Variants in TMEM62 observed in about 807,000 individuals in gnomAD.
TMEM62 encodes transmembrane protein 62.
TMEM62 carries 41 observed loss-of-function variants against 70.4 expected under a neutral mutation model. The ratio of observed to expected loss-of-function variants is 0.58; its 90% CI spans 0.45 to 0.76. TMEM62 has a LOEUF of 0.76. TMEM62 is among the 30% of genes least tolerant of loss of function. The pLI is 0.00. For synonymous variants in TMEM62, 268 were observed against 291.0 expected (o/e 0.92, Z 0.80); for missense variants, 688 against 788.5 (o/e 0.87, Z 1.53).
At chr15:43,173,682 A>T (rs1167114187) in intron 11 of TMEM62, among the ~76,000 whole-genome samples, 1 of 152,054 alleles carries the variant, frequency 6.6e-6, no homozygotes, top group Non-Finnish European at 1.5e-5. Flanking sequence ...CTCCTTTATC[A>T]TACTGTTTTC....
intron 7 of TMEM62, among the ~76,000 whole-genome samples, chr15:43,149,461 A>G (rs2037093453): frequency 6.6e-6 from 1 of 152,054 alleles, no homozygotes; most frequent in Non-Finnish European, 1.5e-5. Context: ...CGCTGCCTCT[A>G]GAGATTTTGA....
rs1461183163 is a variant in TMEM62 at position 43,154,730 on chromosome 15, C to A, written c.1081C>A (p.His361Asn). ...TSVTVKIDGV[H>N]LGQAVHVSGP... ...TGTCACAGTTAAGATTGATGGAGTT[C>A]ATTTAGGCCAGGCTGTTCATGTGTC... The change falls in exon 9 of 14, where the codon CAT becomes AAT. Residue 361 changes from histidine to asparagine, a missense_variant. Transcript: ENST00000260403. 6.2e-7 allele frequency: 1 copy of A among 1,613,862 alleles called. No individual in the cohort carries two copies. The highest frequency in any genetic ancestry group is 1.7e-5 in the Admixed American group (1 of 59,962).
chr15:43,156,774 A>G (rs928957624), intron 9 of TMEM62, among the ~76,000 whole-genome samples: 5 of 152,122 alleles, frequency 3.3e-5, no homozygotes, highest in Non-Finnish European at 7.4e-5. Flanking sequence ...AACATAATAA[A>G]CCCTGTATAT....
At chr15:43,146,699 T>C in intron 5 of TMEM62, 65 bp downstream of exon 5, 2 of 1,376,646 alleles carry the variant, frequency 1.5e-6, no homozygotes, top group Non-Finnish European at 9.8e-7. Flanking sequence ...TGTGGATCAC[T>C]TAAAGTTATC....
At chr15:43,138,676 G>A (rs1205230153) in intron 4 of TMEM62, 57 bp downstream of exon 4, 2 of 1,356,914 alleles carry the variant, frequency 1.5e-6, no homozygotes, top group Non-Finnish European at 2.1e-6. Context: ...TAAGGAGGGT[G>A]TGGTCAACTC....
Position 43,160,787 on chromosome 15 carries a change from A to G in TMEM62, c.1289A>G (p.Tyr430Cys), listed in dbSNP as rs757265674. The G allele has an allele frequency of 2.5e-5, 40 of 1,570,046 alleles. No homozygotes were observed. In the East Asian group the frequency reaches 7.9e-4, roughly 31 times the overall value. Residue 430 changes from tyrosine to cysteine, a missense_variant, in exon 10 of 14, where the codon TAC becomes TGC. Transcript: ENST00000260403. Reference sequence around the variant, plus strand: ...TCATTTATTCTCCGTACTGATCACTACATCATGGTAAGTGAATTCAATTAA... The same window carrying G: ...TCATTTATTCTCCGTACTGATCACTGCATCATGGTAAGTGAATTCAATTAA... ...LASFILRTDH[Y>C]IMARVLFVLI... is the part of the protein sequence containing the mutation.
intron 11 of TMEM62, among the ~76,000 whole-genome samples, chr15:43,170,286 C>T (rs11632170): frequency 2.4e-4 from 36 of 152,188 alleles, no homozygotes; most frequent in Non-Finnish European, 4.4e-4. Flanking sequence ...CCCTTTCCAT[C>T]GTGGCTGAGA....
At chr15:43,165,963 T>C (rs964096542) in intron 10 of TMEM62, among the ~76,000 whole-genome samples, 10 of 152,216 alleles carry the variant, frequency 6.6e-5, no homozygotes, top group Admixed American at 3.9e-4. Context: ...CTGGATGTTC[T>C]TGAGGCTTGT....
intron 7 of TMEM62, among the ~76,000 whole-genome samples, chr15:43,150,804 C>G (rs2037271770): frequency 6.6e-6 from 1 of 152,226 alleles, no homozygotes; most frequent in Non-Finnish European, 1.5e-5. Flanking sequence ...TGTGTCACTT[C>G]TCTTCACAGC....
At chr15:43,175,909 C>T (rs530903299) in intron 11 of TMEM62, among the ~76,000 whole-genome samples, 9 of 152,290 alleles carry the variant, frequency 5.9e-5, no homozygotes, top group African/African-American at 1.4e-4. Context: ...CGCAAGGGGT[C>T]GGGGAGTTCC....
rs554637699 is a variant in TMEM62 at position 43,133,795 on chromosome 15, C to T, written c.-8C>T. The T allele has an allele frequency of 1.6e-4, 214 of 1,359,448 alleles. 1 individual carries two copies. In the African/African-American group the frequency reaches 2.3e-3, roughly 15 times the overall value. The allele number at this position is 1,359,448 out of a possible 1,614,324, so 84.2% of individuals were successfully genotyped here. On this transcript the variant is annotated 5_prime_UTR_variant, in exon 1 of 14. Transcript: ENST00000260403. Reference sequence around the variant, plus strand: ...TCAGCGAGGGCCGCGCCCCGGCGGGCGGGCGGCATGGCTGCAGTGCTGGCT... The same window carrying T: ...TCAGCGAGGGCCGCGCCCCGGCGGGTGGGCGGCATGGCTGCAGTGCTGGCT...
rs761297326 is a variant in TMEM62, at chr15:43,146,610, T to C, written c.594T>C (p.Tyr198=). 6 of 1,606,060 alleles carry C rather than the reference T, an allele frequency of 3.7e-6. No homozygotes were observed. The East Asian group carries it at 1.1e-4, about 30-fold the overall frequency. The change falls in exon 5 of 14, where the codon TAT becomes TAC. Residue 198 remains tyrosine (Y), a synonymous_variant. Coordinates refer to ENST00000260403, the MANE Select transcript of TMEM62 (RefSeq NM_024956.4). The stretch of plus-strand genomic sequence containing the variant: ...TAAATCCAGGGCCTAAGAGACCCTA[T>C]AATTTCTTTGGAATTTTAGATAAGG... ...ATVNPGPKRP[Y]NFFGILDKKK...
intron 8 of TMEM62, among the ~76,000 whole-genome samples, chr15:43,153,928 A>T (rs1050336840): frequency 1.1e-4 from 17 of 152,198 alleles, no homozygotes; most frequent in African/African-American, 3.6e-4. Context: ...ACTGTTTTCC[A>T]TGGTGGCTGC....
Position 43,135,559 on chromosome 15 carries a change from C to G in TMEM62, c.340C>G (p.His114Asp), listed in dbSNP as rs570217305. ...AAAGGAACAGTTGGGATCCAGGCAG[C>G]ATGAGGTAGAATGGCAAACCTACCA... is the stretch of plus-strand genomic sequence containing the variant. ...KTKEQLGSRQ[H>D]EVEWQTYQGI... Residue 114 changes from histidine (H) to aspartate (D), a missense_variant, in exon 3 of 14, where the codon CAT becomes GAT. His to Asp is a moderately conservative substitution (Grantham distance 81, BLOSUM62 -1). Coordinates refer to ENST00000260403, the MANE Select transcript of TMEM62 (RefSeq NM_024956.4). 1.2e-6 allele frequency: 2 copies of G among 1,611,662 alleles called. No homozygotes were observed. Among genetic ancestry groups the G allele is most frequent in the African/African-American group, 2.7e-5 (2 of 74,896 alleles).
rs16957457 is a variant in TMEM62 at position 43,146,839 on chromosome 15, A to G, written c.618+205A>G. Among the ~76,000 whole-genome samples the G allele has an allele frequency of 4.5e-3, 683 of 152,326 alleles. 10 individuals carry two copies. Among genetic ancestry groups the G allele is most frequent in the African/African-American group, 0.016 (654 of 41,570 alleles). On this transcript the variant is annotated intron_variant, in intron 5 of 13. Transcript: ENST00000260403. ...TTTCTTGTCCCAAAATCTGAGAAAG[A>G]AGTACCTCACACTTTATGGAGTAAA...
Position 43,135,666 on chromosome 15 carries a change from A to C in TMEM62, c.430+17A>C, listed in dbSNP as rs1450470858. The stretch of plus-strand genomic sequence containing the variant: ...GAAATCATGGTAAGAGCCAAGAGCC[A>C]GATACAATAAAGACAAGAGTTTTTT... On this transcript the variant is annotated intron_variant, in intron 3 of 13. Coordinates refer to ENST00000260403, the MANE Select transcript of TMEM62 (RefSeq NM_024956.4). 1 of 1,569,182 alleles carries C rather than the reference A, an allele frequency of 6.4e-7. No homozygotes were observed. The highest frequency in any genetic ancestry group is 1.4e-5 in the African/African-American group (1 of 72,452).
In TMEM62 at chr15:43,146,623, A is replaced by C. The variant is rs764793059; in HGVS notation, c.607A>C (p.Ile203Leu). 1.3e-5 allele frequency: 21 copies of C among 1,606,906 alleles called. No homozygotes were observed. Among genetic ancestry groups the C allele is most frequent in the Non-Finnish European group, 1.7e-5 (20 of 1,177,972 alleles). The stretch of plus-strand genomic sequence containing the variant: ...TAAGAGACCCTATAATTTCTTTGGA[A>C]TTTTAGATAAGGTGCAGTAAAAATC... ...GPKRPYNFFG[I>L]LDKKKMEELL... Residue 203 changes from isoleucine (I) to leucine (L), a missense_variant, in exon 5 of 14, where the codon ATT (isoleucine) becomes CTT (leucine). Transcript: ENST00000260403.
chr15:43,181,150 C>A, intron 12 of TMEM62, 31 bp from the exon 13 acceptor site: 1 of 1,306,254 alleles, frequency 7.7e-7, no homozygotes, highest in Non-Finnish European at 1.1e-6. Context: ...GTTATTTAAT[C>A]TCCTCCTTTT....
At chr15:43,169,722 A>G in intron 11 of TMEM62, 45 bp downstream of exon 11, 1 of 1,497,776 alleles carries the variant, frequency 6.7e-7, no homozygotes, top group East Asian at 2.3e-5. Context: ...GTTCATGGAA[A>G]AAACCAAACT....
Sources: allele counts gnomAD v4.1 joint callset (sites outside exome capture counted in the v4.1 genomes callset), GRCh38; gene constraint gnomAD v4.1.1; transcripts MANE v1.5; gene names NCBI Gene and HGNC (gene_info 2026-07-23, HGNC 2026-07-21).